The following COG5 variants were observed in gnomAD, a reference collection of about 807,000 sequenced individuals.
The protein encoded by COG5 is component of oligomeric golgi complex 5, also known as conserved oligomeric Golgi complex subunit 5.
In COG5, 86 loss-of-function variants were observed where a neutral mutation model predicts 110.4. That is an observed-to-expected ratio of 0.78 (90% CI 0.65 to 0.93). The LOEUF (loss-of-function observed/expected upper bound fraction) is 0.93. COG5 is among the 40% of genes least tolerant of loss of function. COG5 has a pLI of 0.00. For synonymous variants in COG5, 360 were observed against 334.6 expected (o/e 1.08, Z -0.83); for missense variants, 1,077 against 987.0 (o/e 1.09, Z -1.22).
chr7:107,422,452 C>T (rs1043482168), intron 6 of COG5, among the ~76,000 whole-genome samples: 15 of 152,102 alleles, frequency 9.9e-5, no homozygotes, highest in Non-Finnish European at 1.6e-4. Flanking sequence ...GCTTGAACCC[C>T]GGAGGCGGAG....
At chr7:107,365,472 G>A (rs1240707036) in intron 8 of COG5, among the ~76,000 whole-genome samples, 1 of 151,790 alleles carries the variant, frequency 6.6e-6, no homozygotes, top group African/African-American at 2.4e-5. Context: ...TAGATCATTA[G>A]GAAGAAGTAA....
chr7:107,491,796 G>A (rs2712197), intron 6 of COG5, among the ~76,000 whole-genome samples: 19,064 of 152,044 alleles, frequency 0.13, 1,567 homozygotes, highest in East Asian at 0.33. Context: ...GAAATTTCCT[G>A]CTCACTGTAC....
intron 6 of COG5, among the ~76,000 whole-genome samples, chr7:107,442,187 G>A (rs1024232043): frequency 3.3e-5 from 5 of 152,228 alleles, no homozygotes; most frequent in African/African-American, 1.2e-4. Context: ...AAGAGATTTG[G>A]CTGTTTAAAA....
At chr7:107,339,909 G>C (rs1036452459) in intron 10 of COG5, among the ~76,000 whole-genome samples, 12 of 151,992 alleles carry the variant, frequency 7.9e-5, no homozygotes, top group African/African-American at 2.9e-4. Context: ...ACCTCAAAAA[G>C]TCAGAAAGAT....
intron 14 of COG5, among the ~76,000 whole-genome samples, chr7:107,274,708 T>A (rs1584607077): frequency 6.6e-6 from 1 of 152,340 alleles, no homozygotes; most frequent in East Asian, 1.9e-4. Context: ...TTACTGCGTG[T>A]CACCCACGCC....
intron 6 of COG5, among the ~76,000 whole-genome samples, chr7:107,496,614 C>T (rs753849955): frequency 2.0e-5 from 3 of 147,520 alleles, no homozygotes; most frequent in Admixed American, 7.0e-5. Context: ...GAACCAAGAT[C>T]GTGTAACTGA....
At chr7:107,508,284 A>T (rs1799191384) in intron 6 of COG5, among the ~76,000 whole-genome samples, 1 of 152,210 alleles carries the variant, frequency 6.6e-6, no homozygotes, top group South Asian at 2.1e-4. Context: ...GCTGATTGCT[A>T]GCACAGCAGT....
At chr7:107,206,005 G>C (rs2116128142) in intron 21 of COG5, among the ~76,000 whole-genome samples, 1 of 151,286 alleles carries the variant, frequency 6.6e-6, no homozygotes, top group East Asian at 2.0e-4. Context: ...CTGTCGCCCA[G>C]GCTGGAGTGC....
At chr7:107,353,300 C>T (rs1812326036) in intron 10 of COG5, among the ~76,000 whole-genome samples, 1 of 151,710 alleles carries the variant, frequency 6.6e-6, no homozygotes, top group African/African-American at 2.4e-5. Context: ...TGGCGGGCAC[C>T]TGTAGTCCCA....
intron 1 of COG5, among the ~76,000 whole-genome samples, chr7:107,559,248 C>T (rs1192096137): frequency 6.6e-6 from 1 of 151,972 alleles, no homozygotes; most frequent in Non-Finnish European, 1.5e-5. Context: ...TAAAAAGATA[C>T]CCCTCAATAT....
intron 5 of COG5, among the ~76,000 whole-genome samples, chr7:107,547,302 G>A (rs1802522217): frequency 6.6e-6 from 1 of 151,968 alleles, no homozygotes; most frequent in Non-Finnish European, 1.5e-5. Context: ...TGCAGAAAAG[G>A]CACTTGGTAA....
intron 19 of COG5, among the ~76,000 whole-genome samples, chr7:107,213,456 C>G (rs968138434): frequency 6.6e-6 from 1 of 152,346 alleles, no homozygotes; most frequent in African/African-American, 2.4e-5. Context: ...AGTGATCCAT[C>G]TAAACCTAGA....
At chr7:107,356,663 T>C (rs551020567) in intron 10 of COG5, among the ~76,000 whole-genome samples, 12 of 152,254 alleles carry the variant, frequency 7.9e-5, no homozygotes, top group African/African-American at 1.9e-4. Context: ...GATTCCAGTG[T>C]AGAAAAGATA....
At chr7:107,274,404 C>G (rs1804527191) in intron 14 of COG5, among the ~76,000 whole-genome samples, 1 of 152,140 alleles carries the variant, frequency 6.6e-6, no homozygotes, top group Non-Finnish European at 1.5e-5. Context: ...ATTCATCCCA[C>G]TCTTCACCCC....
Position 107,474,042 on chromosome 7 carries a change from A to C in COG5, c.538+53195T>G, listed in dbSNP as rs1448594465. 1.4e-6 allele frequency: 2 copies of C among 1,411,008 alleles called. No homozygotes were observed. The highest frequency in any genetic ancestry group is 2.9e-5 in the African/African-American group (2 of 69,776). 87.4% of individuals were successfully genotyped at this position (1,411,008 alleles called of 1,614,324 possible). ...TTCTATTTCACTTTCTAGGGAAAAAAACCAACTGCTCCAAAAGAATGTGTT... is the reference window on the plus strand; with the variant it reads ...TTCTATTTCACTTTCTAGGGAAAAACACCAACTGCTCCAAAAGAATGTGTT... On this transcript the variant is annotated intron_variant, in intron 6 of 21. Transcript: ENST00000297135. The surrounding 1 kb of genome is among the most constrained non-coding windows in gnomAD (Gnocchi z 5.7).
intron 14 of COG5, among the ~76,000 whole-genome samples, chr7:107,268,115 T>C (rs1803949019): frequency 3.9e-5 from 6 of 152,062 alleles, no homozygotes; most frequent in Admixed American, 3.9e-4. Flanking sequence ...ATTACAGGCA[T>C]GCACCACCAC....
chr7:107,350,052 A>G (rs1014960387), intron 10 of COG5, among the ~76,000 whole-genome samples: 11 of 152,136 alleles, frequency 7.2e-5, no homozygotes, highest in African/African-American at 2.7e-4. Context: ...GCTTCCCTCT[A>G]TATTTCCAGT....
intron 12 of COG5, among the ~76,000 whole-genome samples, chr7:107,292,026 T>G (rs139520460): frequency 1.3e-5 from 2 of 152,268 alleles, no homozygotes; most frequent in Non-Finnish European, 2.9e-5. Context: ...CTCTCCTTTC[T>G]TTGCCTTTCT....
At position 107,392,040 on chromosome 7, in the gene COG5, G is replaced by A. The variant is rs182126146; in HGVS notation, c.670-19280C>T. ...TGGGAGGTGGAGGTTGCAGTGAGCT[G>A]AGATTGCGCCACTGCACTCCAGCCT... On this transcript the variant is annotated intron_variant, in intron 7 of 21. Transcript: ENST00000297135. Among the ~76,000 whole-genome samples, 183 of 152,250 alleles carry A rather than the reference G, an allele frequency of 1.2e-3. 2 individuals are homozygous for A. Among genetic ancestry groups the A allele is most frequent in the African/African-American group, 4.2e-3 (175 of 41,524 alleles).
Sources: gnomAD v4.1 joint callset for allele counts (sites outside exome capture counted in the v4.1 genomes callset) on GRCh38, gnomAD v4.1.1 for gene constraint, Gnocchi (gnomAD v3.1) non-coding constraint, MANE v1.5 for transcripts, NCBI Gene and HGNC (gene_info 2026-07-23, HGNC 2026-07-21) for gene names.